AMPH: variants seen among roughly 807,000 people sequenced by gnomAD.
AMPH encodes amphiphysin (Stiff-Mann syndrome with breast cancer 128kD autoantigen).
AMPH carries 49 observed loss-of-function variants against 99.1 expected under a neutral mutation model. The ratio of observed to expected loss-of-function variants is 0.49; its 90% CI spans 0.39 to 0.63. AMPH has a LOEUF of 0.63. Among genes scored for constraint, AMPH ranks in the 20% least tolerant of loss-of-function variants. The pLI, the probability that AMPH is intolerant of heterozygous loss-of-function variation, is 0.00. For missense variants in AMPH, 759 were observed against 863.4 expected (o/e 0.88, Z 1.52); for synonymous variants, 314 against 317.3 (o/e 0.99, Z 0.11).
intron 3 of AMPH, among the ~76,000 whole-genome samples, chr7:38,495,499 C>T (rs1173115949): frequency 6.6e-6 from 1 of 152,084 alleles, no homozygotes; most frequent in Non-Finnish European, 1.5e-5. Flanking sequence ...ACTGACATGC[C>T]AGTAAACTTC....
rs185058449 is a variant in AMPH at position 38,515,870 on chromosome 7, G to T, written c.151-12166C>A. On this transcript the variant is annotated intron_variant, in intron 2 of 20. Coordinates refer to ENST00000356264, the MANE Select transcript of AMPH (RefSeq NM_001635.4). ...GATGAGGAACTTATTAGGAACTGGA[G>T]CAAAGGTCATTTGTGTAATTTGTTA... Among the ~76,000 whole-genome samples, 469 of 152,360 alleles carry T rather than the reference G, an allele frequency of 3.1e-3. 2 individuals are homozygous for T. Among genetic ancestry groups the T allele is most frequent in the Non-Finnish European group, 5.8e-3 (393 of 68,032 alleles).
chr7:38,396,327 T>C (rs774078297), intron 17 of AMPH, among the ~76,000 whole-genome samples: 21 of 152,184 alleles, frequency 1.4e-4, no homozygotes, highest in Non-Finnish European at 2.6e-4. Flanking sequence ...GTTTTAAAAA[T>C]GGGAGTTTCC....
chr7:38,429,720 C>T (rs1310119373), intron 14 of AMPH, 122 bp downstream of exon 14: 1 of 1,330,520 alleles, frequency 7.5e-7, no homozygotes. Flanking sequence ...CATTCATTGG[C>T]TTAAGGTTTA....
chr7:38,498,147 C>T (rs1214268510), intron 3 of AMPH, among the ~76,000 whole-genome samples: 1 of 152,166 alleles, frequency 6.6e-6, no homozygotes, highest in African/African-American at 2.4e-5. Context: ...CCAGTTGCCC[C>T]AGTTCAAAAA....
At chr7:38,410,023 C>T (rs1304937452) in intron 17 of AMPH, among the ~76,000 whole-genome samples, 1 of 152,190 alleles carries the variant, frequency 6.6e-6, no homozygotes, top group Non-Finnish European at 1.5e-5. Context: ...GTTTTTGGAG[C>T]AGCCGCCGTG....
intron 11 of AMPH, among the ~76,000 whole-genome samples, chr7:38,457,611 A>G (rs1787281319): frequency 6.6e-6 from 1 of 152,234 alleles, no homozygotes. Flanking sequence ...CCAAGAGAGA[A>G]CAAATGGGCT....
intron 16 of AMPH, among the ~76,000 whole-genome samples, chr7:38,422,032 T>G (rs1434404500): frequency 2.0e-5 from 3 of 152,218 alleles, no homozygotes; most frequent in Non-Finnish European, 2.9e-5. Flanking sequence ...AGGGATGAGA[T>G]GATAAATGGG....
intron 1 of AMPH, among the ~76,000 whole-genome samples, chr7:38,536,180 C>T (rs987300831): frequency 6.6e-6 from 1 of 152,146 alleles, no homozygotes; most frequent in Non-Finnish European, 1.5e-5. Context: ...GTTAAAGACA[C>T]AGCATAGAGT....
chr7:38,403,091 C>G (rs1054921268), intron 17 of AMPH, among the ~76,000 whole-genome samples: 15 of 152,026 alleles, frequency 9.9e-5, no homozygotes, highest in Non-Finnish European at 1.9e-4. Flanking sequence ...CTGGAGACGT[C>G]AGAAGCCAGT....
chr7:38,423,367 G>A (rs1785660572), intron 15 of AMPH, among the ~76,000 whole-genome samples: 1 of 152,134 alleles, frequency 6.6e-6, no homozygotes, highest in East Asian at 1.9e-4. Flanking sequence ...AGGAGACCCA[G>A]GTGTCTTTCC....
chr7:38,572,096 G>T (rs1792066430), intron 1 of AMPH, among the ~76,000 whole-genome samples: 1 of 151,918 alleles, frequency 6.6e-6, no homozygotes, highest in Admixed American at 6.6e-5. Flanking sequence ...GTAGAGACGG[G>T]GTTTCTCCAT....
intron 1 of AMPH, among the ~76,000 whole-genome samples, chr7:38,550,417 C>A (rs1209423707): frequency 6.6e-6 from 1 of 152,196 alleles, no homozygotes; most frequent in African/African-American, 2.4e-5. Context: ...TTATTCTGGG[C>A]ATTTGATGTT....
At chr7:38,545,605 T>C (rs1031357078) in intron 1 of AMPH, among the ~76,000 whole-genome samples, 55 of 152,218 alleles carry the variant, frequency 3.6e-4, no homozygotes, top group Non-Finnish European at 4.4e-5. Flanking sequence ...TTTTGGTAAT[T>C]TGCCTCACAA....
intron 1 of AMPH, among the ~76,000 whole-genome samples, chr7:38,535,466 G>A (rs920570093): frequency 6.6e-6 from 1 of 152,140 alleles, no homozygotes; most frequent in Admixed American, 6.5e-5. Context: ...TGGCACCAGG[G>A]ACCAGTTTCA....
chr7:38,532,807 A>G (rs1428506094), intron 2 of AMPH, among the ~76,000 whole-genome samples: 1 of 152,172 alleles, frequency 6.6e-6, no homozygotes, highest in Non-Finnish European at 1.5e-5. Flanking sequence ...GCATGACTGC[A>G]TTACTAAACC....
At chr7:38,483,195 G>C (rs1346850894) in intron 5 of AMPH, among the ~76,000 whole-genome samples, 2 of 152,086 alleles carry the variant, frequency 1.3e-5, no homozygotes, top group Non-Finnish European at 1.5e-5. Flanking sequence ...GTCTGGGATA[G>C]CTGTCAGGTC....
At chr7:38,585,694 C>T (rs1792619885) in intron 1 of AMPH, among the ~76,000 whole-genome samples, 1 of 152,210 alleles carries the variant, frequency 6.6e-6, no homozygotes. Context: ...GTCCACCGTG[C>T]CAGTGGAATT....
At chr7:38,453,224 G>A (rs1210475037) in intron 11 of AMPH, among the ~76,000 whole-genome samples, 1 of 152,142 alleles carries the variant, frequency 6.6e-6, no homozygotes, top group Non-Finnish European at 1.5e-5. Flanking sequence ...TAATGTCTCT[G>A]GTGCTTAGTT....
At chr7:38,415,888 A>G (rs748833678) in intron 17 of AMPH, among the ~76,000 whole-genome samples, 25 of 151,832 alleles carry the variant, frequency 1.6e-4, no homozygotes, top group Admixed American at 5.2e-4. Flanking sequence ...TAGACTGTAA[A>G]TTGCCTTATA....
Sources: gnomAD v4.1 joint callset for allele counts (sites outside exome capture counted in the v4.1 genomes callset) on GRCh38, gnomAD v4.1.1 for gene constraint, MANE v1.5 for transcripts, NCBI Gene and HGNC (gene_info 2026-07-23, HGNC 2026-07-21) for gene names.